Variants in CD55 observed in about 807,000 individuals in gnomAD.
CD55 encodes CD55 molecule (Cromer blood group), also known as complement decay-accelerating factor.
A neutral mutation model predicts 45.8 loss-of-function variants in CD55; 41 were observed. The ratio of observed to expected loss-of-function variants is 0.90; its 90% confidence interval spans 0.70 to 1.16. CD55 has a LOEUF of 1.16. Ranked by LOEUF, CD55 falls within the 50% of genes most tolerant of loss-of-function variation. The pLI is 0.00. For synonymous variants in CD55, 181 were observed against 181.1 expected, an observed-to-expected ratio of 1.00 and a Z score of 0.01; for missense variants, 416 against 469.8, an observed-to-expected ratio of 0.89 and a Z score of 1.06.
intron 9 of CD55, among the ~76,000 whole-genome samples, chr1:207,343,812 C>T (rs1016219475): frequency 6.6e-6 from 1 of 152,094 alleles, no homozygotes; most frequent in African/African-American, 2.4e-5. Context: ...TTAGATTGGA[C>T]AATATTTGCT....
chr1:207,359,607 T>A lies in CD55; in HGVS notation c.1143T>A (p.Thr381=). ...LGTLVTMGLL[T] ...CGCTAGTAACCATGGGCTTGCTGAC[T>A]TAGCCAAAGAAGAGTTAAGAAGAAA... is the stretch of plus-strand genomic sequence containing the variant. The change falls in exon 10 of 10, where the codon ACT becomes ACA. Residue 381 remains threonine, a synonymous_variant. Coordinates refer to ENST00000367064, the MANE Select transcript of CD55 (RefSeq NM_000574.5). 6.3e-7 allele frequency: 1 copy of A among 1,597,096 alleles called. No individual in the cohort carries two copies. The highest frequency in any genetic ancestry group is 8.5e-7 in the Non-Finnish European group (1 of 1,172,784).
chr1:207,359,910 G>A lies in CD55; in HGVS notation c.*300G>A. On this transcript the variant is annotated 3_prime_UTR_variant, in exon 10 of 10. Coordinates refer to ENST00000367064, the MANE Select transcript of CD55 (RefSeq NM_000574.5). ...GTTCGTATTTAGAATGGGATCACGA[G>A]GAAAAGAGAAGGAAAGTGATTTTTT... 1 of 267,012 alleles carries A rather than the reference G, an allele frequency of 3.7e-6. No homozygotes were observed. The highest frequency in any genetic ancestry group is 7.0e-6 in the Non-Finnish European group (1 of 143,800). 16.5% of individuals were successfully genotyped at this position (267,012 alleles called of 1,614,324 possible). A position where few individuals can be genotyped will look rare whatever the true frequency, so the allele number is the denominator to read the frequency against.
chr1:207,354,130 T>C, intron 9 of CD55: 1 of 1,513,148 alleles, frequency 6.6e-7, no homozygotes, highest in East Asian at 2.5e-5. Context: ...GTTGGGTTCT[T>C]TGGCAGTGAA....
At chr1:207,351,248 T>C (rs1655855280) in intron 9 of CD55, among the ~76,000 whole-genome samples, 1 of 152,192 alleles carries the variant, frequency 6.6e-6, no homozygotes, top group Non-Finnish European at 1.5e-5. Context: ...TGTTTAAAAT[T>C]GCTTTATGGT....
In CD55 at chr1:207,359,709, C is replaced by T. The variant is rs1180674986; in HGVS notation, c.*99C>T. ...TGGATAAAATAAATGCAATTGTGCT[C>T]TTCATTTAGGATGCTTTCATTGTCT... is the stretch of plus-strand genomic sequence containing the variant. On this transcript the variant is annotated 3_prime_UTR_variant, in exon 10 of 10. Coordinates refer to ENST00000367064, the MANE Select transcript of CD55 (RefSeq NM_000574.5). 2 of 1,439,710 alleles carry T rather than the reference C, an allele frequency of 1.4e-6. No homozygotes were observed. The highest frequency in any genetic ancestry group is 1.5e-5 in the South Asian group (1 of 66,748). 89.2% of individuals were successfully genotyped at this position (1,439,710 alleles called of 1,614,324 possible).
chr1:207,338,434 G>A (rs1446689524), intron 8 of CD55, among the ~76,000 whole-genome samples: 1 of 151,966 alleles, frequency 6.6e-6, no homozygotes, highest in Non-Finnish European at 1.5e-5. Context: ...ATAGGGCAAG[G>A]CAAAGAGAAA....
intron 9 of CD55, among the ~76,000 whole-genome samples, chr1:207,357,303 A>G (rs982743958): frequency 6.6e-6 from 1 of 152,112 alleles, no homozygotes; most frequent in Non-Finnish European, 1.5e-5. Flanking sequence ...GAAACGTTTT[A>G]GGAATGTGAT....
chr1:207,327,446 AG>A (rs1210378940), intron 5 of CD55, among the ~76,000 whole-genome samples: 1 of 152,246 alleles, frequency 6.6e-6, no homozygotes, highest in Non-Finnish European at 1.5e-5. Flanking sequence ...ATCTTCTCAA[AG>A]AAAGATATGG....
chr1:207,336,995 C>T, intron 7 of CD55, 177 bp downstream of exon 7: 1 of 691,872 alleles, frequency 1.4e-6, no homozygotes, highest in Middle Eastern at 2.4e-4. Flanking sequence ...ATCAACACCT[C>T]AAAGACACAC....
chr1:207,348,731 T>G lies in CD55; in HGVS notation c.1081+9314T>G, dbSNP rs149160593. On this transcript the variant is annotated intron_variant, in intron 9 of 9. Coordinates refer to ENST00000367064, the MANE Select transcript of CD55 (RefSeq NM_000574.5). Reference sequence around the variant, plus strand: ...TTAAGTTTAATTCTTTAATCCATATTGAGTTGATTTTTGTATATGGTGAAA... The same window carrying G: ...TTAAGTTTAATTCTTTAATCCATATGGAGTTGATTTTTGTATATGGTGAAA... Among the ~76,000 whole-genome samples the G allele has an allele frequency of 4.2e-3, 636 of 152,348 alleles. 5 individuals are homozygous for G. Among genetic ancestry groups the G allele is most frequent in the African/African-American group, 0.014 (601 of 41,580 alleles).
At chr1:207,350,008 T>C (rs1341846585) in intron 9 of CD55, 7 of 409,698 alleles carry the variant, frequency 1.7e-5, no homozygotes, top group Non-Finnish European at 4.8e-6. Context: ...TCCTGGCGGC[T>C]CTTATTATTT....
At chr1:207,340,809 C>T in intron 9 of CD55, 1 of 431,718 alleles carries the variant, frequency 2.3e-6, no homozygotes, top group Non-Finnish European at 4.1e-6. Context: ...GATAAATACC[C>T]AGTAGTGGGA....
At chr1:207,351,193 C>T (rs1655853408) in intron 9 of CD55, among the ~76,000 whole-genome samples, 2 of 152,066 alleles carry the variant, frequency 1.3e-5, no homozygotes, top group Non-Finnish European at 1.5e-5. Flanking sequence ...ATATTTTATG[C>T]TGTGGCCTAA....
At chr1:207,351,279 G>C (rs1261933845) in intron 9 of CD55, among the ~76,000 whole-genome samples, 5 of 152,188 alleles carry the variant, frequency 3.3e-5, no homozygotes, top group African/African-American at 1.2e-4. Flanking sequence ...GTCAATCTTA[G>C]AGTATGTGCT....
chr1:207,341,145 C>T (rs965321899), intron 9 of CD55, among the ~76,000 whole-genome samples: 7 of 152,176 alleles, frequency 4.6e-5, no homozygotes, highest in Non-Finnish European at 8.8e-5. Flanking sequence ...AAGTTGAGTT[C>T]GTTGTATATT....
intron 6 of CD55, among the ~76,000 whole-genome samples, chr1:207,334,509 G>C (rs773856666): frequency 1.3e-4 from 20 of 152,046 alleles, no homozygotes; most frequent in Non-Finnish European, 2.2e-4. Flanking sequence ...TGTCCTGTGG[G>C]GTCTGAATTA....
chr1:207,358,245 G>C (rs1656152693), intron 9 of CD55, among the ~76,000 whole-genome samples: 1 of 152,046 alleles, frequency 6.6e-6, no homozygotes, highest in Non-Finnish European at 1.5e-5. Flanking sequence ...TATATGTTTG[G>C]CTAGCCTCCT....
chr1:207,321,709 C>T lies in CD55; in HGVS notation c.-57C>T. 1.5e-6 allele frequency: 2 copies of T among 1,301,852 alleles called. No individual in the cohort carries two copies. Among genetic ancestry groups the T allele is most frequent in the Non-Finnish European group, 2.1e-6 (2 of 969,476 alleles). The allele number at this position is 1,301,852 out of a possible 1,614,324, so 80.6% of individuals were successfully genotyped here. On this transcript the variant is annotated 5_prime_UTR_variant, in exon 1 of 10. Coordinates refer to ENST00000367064, the MANE Select transcript of CD55 (RefSeq NM_000574.5). The stretch of plus-strand genomic sequence containing the variant: ...ACTGCAACTCGCTCCGGCCGCTGGG[C>T]GTAGCTGCGACTCGGCGGAGTCCCG...
In CD55 at chr1:207,337,351, C is replaced by T. The variant is rs1655228770; in HGVS notation, c.1002C>T (p.Ser334=). 1 of 1,610,524 alleles carries T rather than the reference C, an allele frequency of 6.2e-7. No homozygotes were observed. Among genetic ancestry groups the T allele is most frequent in the Admixed American group, 1.7e-5 (1 of 59,988 alleles). ...CAGCAACACGGAGTACACCTGTTTC[C>T]AGGACAACCAAGCATTTTCATGAAA... The part of the protein sequence containing the change: ...NAQATRSTPV[S]RTTKHFHETT... The change falls in exon 8 of 10, where the codon TCC becomes TCT. Residue 334 remains serine (S), a synonymous_variant. Transcript: ENST00000367064.
Sources: gnomAD v4.1 joint callset for allele counts (sites outside exome capture counted in the v4.1 genomes callset) on GRCh38, gnomAD v4.1.1 for gene constraint, MANE v1.5 for transcripts, NCBI Gene and HGNC (gene_info 2026-07-23, HGNC 2026-07-21) for gene names.